Variants in JAZF1 observed in about 807,000 individuals in gnomAD.
JAZF1 encodes JAZF zinc finger 1, also known as juxtaposed with another zinc finger protein 1.
A neutral mutation model predicts 26.4 loss-of-function variants in JAZF1; 8 were observed. The observed-to-expected ratio is 0.30, with a 90% CI of 0.18 to 0.55. The LOEUF (loss-of-function observed/expected upper bound fraction) is 0.55, where lower values mean the gene tolerates loss of function less well. JAZF1 is among the 20% of genes least tolerant of loss of function. The pLI is 0.94. For missense variants in JAZF1, 199 were observed against 322.0 expected, an observed-to-expected ratio of 0.62 and a Z score of 2.92; for synonymous variants, 126 against 122.3, an observed-to-expected ratio of 1.03 and a Z score of -0.20.
chr7:28,130,076 C>T (rs1282849388), intron 1 of JAZF1, among the ~76,000 whole-genome samples: 1 of 151,956 alleles, frequency 6.6e-6, no homozygotes, highest in Non-Finnish European at 1.5e-5. Flanking sequence ...TACAAGTATG[C>T]TAAAAATTTG....
intron 2 of JAZF1, among the ~76,000 whole-genome samples, chr7:27,977,241 T>C (rs1455367936): frequency 1.3e-5 from 2 of 152,232 alleles, no homozygotes; most frequent in Non-Finnish European, 2.9e-5. Context: ...AGTTTTGTCC[T>C]AGCAGGCAGT....
At chr7:27,912,594 G>A (rs1383622354) in intron 2 of JAZF1, among the ~76,000 whole-genome samples, 1 of 152,106 alleles carries the variant, frequency 6.6e-6, no homozygotes, top group South Asian at 2.1e-4. Context: ...AGTGAGAAAG[G>A]TTATTAGAAT....
At chr7:28,122,497 T>C (rs1389876783) in intron 1 of JAZF1, among the ~76,000 whole-genome samples, 1 of 151,974 alleles carries the variant, frequency 6.6e-6, no homozygotes, top group East Asian at 1.9e-4. Context: ...TGAGCTGAAA[T>C]TGGTTCAAGC....
At chr7:28,106,457 G>C (rs567446714) in intron 1 of JAZF1, among the ~76,000 whole-genome samples, 2 of 152,288 alleles carry the variant, frequency 1.3e-5, no homozygotes, top group East Asian at 3.9e-4. Flanking sequence ...CAAGACAACA[G>C]CGAGTTCTAG....
intron 3 of JAZF1, among the ~76,000 whole-genome samples, chr7:27,856,304 G>A (rs933827263): frequency 2.6e-5 from 4 of 152,180 alleles, no homozygotes; most frequent in Admixed American, 6.5e-5. Flanking sequence ...CGGTGGGTTC[G>A]TTGTCTTGCT....
At chr7:27,836,367 G>C (rs1246575323) in intron 4 of JAZF1, among the ~76,000 whole-genome samples, 1 of 152,128 alleles carries the variant, frequency 6.6e-6, no homozygotes, top group African/African-American at 2.4e-5. Context: ...AATTAGGCCA[G>C]TCAATAGACA....
chr7:28,074,058 C>G lies in JAZF1; in HGVS notation c.116-82077G>C, dbSNP rs181839640. Among the ~76,000 whole-genome samples the G allele has an allele frequency of 3.9e-3, 596 of 151,890 alleles. 3 individuals carry two copies. The highest frequency in any genetic ancestry group is 6.7e-3 in the Non-Finnish European group (457 of 67,950). On this transcript the variant is annotated intron_variant, in intron 1 of 4. Coordinates refer to ENST00000283928, the MANE Select transcript of JAZF1 (RefSeq NM_175061.4). ...TTCTTATGCTTTATTATAAAATTAGCTAACAGTACTGTACAGGGTCATTGC... is the reference window on the plus strand; with the variant it reads ...TTCTTATGCTTTATTATAAAATTAGGTAACAGTACTGTACAGGGTCATTGC...
intron 1 of JAZF1, among the ~76,000 whole-genome samples, chr7:28,147,738 C>T (rs926801113): frequency 2.0e-5 from 3 of 146,962 alleles, no homozygotes; most frequent in Admixed American, 6.9e-5. Context: ...AAAAATTAGC[C>T]AGGTGTGTTG....
Position 28,026,459 on chromosome 7 carries a change from T to C in JAZF1, c.116-34478A>G, listed in dbSNP as rs144454361. On this transcript the variant is annotated intron_variant, in intron 1 of 4. Transcript: ENST00000283928. ...GTCCCTGGCACTTGTGGCCCAGTAATAGCCCTGATTTTGAACCTGTTCCAG... is the reference window on the plus strand; with the variant it reads ...GTCCCTGGCACTTGTGGCCCAGTAACAGCCCTGATTTTGAACCTGTTCCAG... Among the ~76,000 whole-genome samples, 901 of 152,286 alleles carry C rather than the reference T, an allele frequency of 5.9e-3. 8 individuals are homozygous for C. The highest frequency in any genetic ancestry group is 0.02 in the African/African-American group (818 of 41,546).
At chr7:27,989,102 A>T (rs38515) in intron 2 of JAZF1, among the ~76,000 whole-genome samples, 140 of 151,860 alleles carry the variant, frequency 9.2e-4, no homozygotes, top group Middle Eastern at 3.4e-3. Context: ...TGTAGACCAA[A>T]GGAACAGAAC....
intron 1 of JAZF1, among the ~76,000 whole-genome samples, chr7:28,116,426 G>C (rs1399791559): frequency 2.0e-5 from 3 of 152,126 alleles, no homozygotes; most frequent in Non-Finnish European, 2.9e-5. Context: ...TGGTAGGTTT[G>C]AAAACAATGT....
At chr7:27,898,192 G>A (rs960501020) in intron 2 of JAZF1, among the ~76,000 whole-genome samples, 1 of 151,084 alleles carries the variant, frequency 6.6e-6, no homozygotes, top group African/African-American at 2.4e-5. Flanking sequence ...TGGAATGGCT[G>A]AATGGAATAA....
At position 28,092,290 on chromosome 7, in the gene JAZF1, C is replaced by CCAAAAAAAAAAA. The variant is rs1784310777; in HGVS notation, c.115+88172_115+88173insTTTTTTTTTTTG. Among the ~76,000 whole-genome samples, 69 of 12,798 alleles carry CCAAAAAAAAAAA rather than the reference C, an allele frequency of 5.4e-3. 5 individuals carry two copies. Among genetic ancestry groups the CCAAAAAAAAAAA allele is most frequent in the African/African-American group, 0.014 (66 of 4,644 alleles). 8.4% of individuals were successfully genotyped at this position (12,798 alleles called of 152,430 possible). The stretch of plus-strand genomic sequence containing the variant: ...AACATCCCATTTCAGGGACAAAAGG[C>CCAAAAAAAAAAA]AAAAAAAAAAAAAAAAAAAAAAAAA... On this transcript the variant is annotated intron_variant, in intron 1 of 4. Coordinates refer to ENST00000283928, the MANE Select transcript of JAZF1 (RefSeq NM_175061.4).
intron 2 of JAZF1, among the ~76,000 whole-genome samples, chr7:27,971,661 A>G (rs1785377187): frequency 6.6e-6 from 1 of 152,206 alleles, no homozygotes; most frequent in South Asian, 2.1e-4. Context: ...GAGGTGCCGC[A>G]CATAAGGGGA....
intron 1 of JAZF1, among the ~76,000 whole-genome samples, chr7:27,994,099 G>A (rs1785962853): frequency 6.6e-6 from 1 of 151,888 alleles, no homozygotes; most frequent in Non-Finnish European, 1.5e-5. Flanking sequence ...TTTCCCGTGT[G>A]TATGTGTACA....
At chr7:28,147,259 A>G (rs1783041549) in intron 1 of JAZF1, among the ~76,000 whole-genome samples, 1 of 152,096 alleles carries the variant, frequency 6.6e-6, no homozygotes, top group African/African-American at 2.4e-5. Context: ...TCCTTTGAGC[A>G]TCCCATCAGC....
At chr7:27,898,314 T>G (rs1784107076) in intron 2 of JAZF1, among the ~76,000 whole-genome samples, 1 of 38,872 alleles carries the variant, frequency 2.6e-5, no homozygotes, top group Admixed American at 3.3e-4. Context: ...TACATCGGTT[T>G]TTTTTTTTTT....
chr7:27,999,529 C>T (rs1018602922), intron 1 of JAZF1, among the ~76,000 whole-genome samples: 2 of 152,182 alleles, frequency 1.3e-5, no homozygotes, highest in Non-Finnish European at 2.9e-5. Context: ...ACCTTTCCCT[C>T]CTTCTGCCTA....
chr7:28,174,181 G>A lies in JAZF1; in HGVS notation c.115+6282C>T, dbSNP rs150388957. On this transcript the variant is annotated intron_variant, in intron 1 of 4. Transcript: ENST00000283928. ...AAGTATTTCTTTGTACACAGGACAC[G>A]TCTGTACTGTCAAGATCTGAAGGCG... 1.8e-4 allele frequency among the ~76,000 whole-genome samples: 27 copies of A among 152,286 alleles called. No homozygotes were observed. The East Asian group carries it at 5.0e-3, about 28-fold the overall frequency.
Sources: allele counts gnomAD v4.1 joint callset (sites outside exome capture counted in the v4.1 genomes callset), GRCh38; gene constraint gnomAD v4.1.1; transcripts MANE v1.5; gene names NCBI Gene and HGNC (gene_info 2026-07-23, HGNC 2026-07-21).